MBNL2: variants seen among roughly 807,000 people sequenced by gnomAD.
The protein encoded by MBNL2 is muscleblind-like protein 2.
Under a neutral mutation model 41.9 loss-of-function variants are expected in MBNL2, and 17 were observed. The ratio of observed to expected loss-of-function variants is 0.41; its 90% CI spans 0.28 to 0.61. MBNL2 has a LOEUF of 0.61. Among genes scored for constraint, MBNL2 ranks in the 20% least tolerant of loss-of-function variants. The pLI is 0.35. For synonymous variants in MBNL2, 195 were observed against 182.9 expected (o/e 1.07, Z -0.53); for missense variants, 336 against 505.6 (o/e 0.66, Z 3.22).
At chr13:97,297,086 G>A (rs551474932) in intron 2 of MBNL2, among the ~76,000 whole-genome samples, 1 of 152,302 alleles carries the variant, frequency 6.6e-6, no homozygotes, top group African/African-American at 2.4e-5. Context: ...GGTCAAAGTT[G>A]CTTTTCCACT....
At chr13:97,161,480 G>C in the MBNL2 span, among the ~76,000 whole-genome samples, 2 of 152,182 alleles carry the variant, frequency 1.3e-5, no homozygotes, top group Non-Finnish European at 2.9e-5. Context: ...TTTTACTGTA[G>C]TGTGAAAGTC....
At chr13:97,142,874 G>T in the MBNL2 span, among the ~76,000 whole-genome samples, 14 of 151,934 alleles carry the variant, frequency 9.2e-5, no homozygotes, top group Non-Finnish European at 1.5e-4. Flanking sequence ...TTTTTAGTTT[G>T]CCTTGAGAAA....
intron 1 of MBNL2, among the ~76,000 whole-genome samples, chr13:97,238,550 C>G (rs564439199): frequency 6.6e-6 from 1 of 152,092 alleles, no homozygotes; most frequent in South Asian, 2.1e-4. Context: ...AGATGAAGAC[C>G]GGGCCCAGTC....
chr13:97,229,189 A>G (rs1026606218), intron 1 of MBNL2, among the ~76,000 whole-genome samples: 2 of 150,370 alleles, frequency 1.3e-5, no homozygotes, highest in Non-Finnish European at 2.9e-5. Flanking sequence ...GATGCAATAT[A>G]TATTGTCTAA....
intron 1 of MBNL2, among the ~76,000 whole-genome samples, chr13:97,224,861 G>T (rs1194831787): frequency 6.6e-6 from 1 of 152,188 alleles, no homozygotes; most frequent in Non-Finnish European, 1.5e-5. Context: ...AAGCGTTGTT[G>T]TTTGCATTTT....
intron 1 of MBNL2, 123 bp from the exon 2 acceptor site, chr13:97,275,509 A>G (rs1260748281): frequency 7.9e-5 from 12 of 152,144 alleles, no homozygotes; most frequent in Admixed American, 7.9e-4. Flanking sequence ...TTTTCTCACT[A>G]TACTCAAAGC....
At chr13:97,287,852 C>A (rs2054874794) in intron 2 of MBNL2, among the ~76,000 whole-genome samples, 1 of 149,150 alleles carries the variant, frequency 6.7e-6, no homozygotes, top group Non-Finnish European at 1.5e-5. Flanking sequence ...TCAAGCGATT[C>A]TCCTGCCTCA....
At chr13:97,283,653 A>G (rs573553437) in intron 2 of MBNL2, among the ~76,000 whole-genome samples, 4 of 152,338 alleles carry the variant, frequency 2.6e-5, no homozygotes, top group South Asian at 4.1e-4. Flanking sequence ...AAAATTATCT[A>G]TACATTGCAA....
the MBNL2 span, among the ~76,000 whole-genome samples, chr13:97,166,699 C>T: frequency 6.6e-6 from 1 of 152,088 alleles, no homozygotes; most frequent in Non-Finnish European, 1.5e-5. Flanking sequence ...GGGACTCAGA[C>T]TGGCTCTCCT....
At chr13:97,322,936 G>A (rs930168638) in intron 2 of MBNL2, among the ~76,000 whole-genome samples, 10 of 152,204 alleles carry the variant, frequency 6.6e-5, no homozygotes, top group African/African-American at 2.4e-4. Flanking sequence ...CCCCTGCTGT[G>A]TGGGCTTAAC....
intron 2 of MBNL2, among the ~76,000 whole-genome samples, chr13:97,323,984 G>C (rs2059710691): frequency 6.6e-6 from 1 of 151,938 alleles, no homozygotes; most frequent in South Asian, 2.1e-4. Context: ...GTTGACTATA[G>C]TCACCCTATT....
the MBNL2 span, among the ~76,000 whole-genome samples, chr13:97,216,286 C>T: frequency 6.6e-6 from 1 of 152,000 alleles, no homozygotes; most frequent in Non-Finnish European, 1.5e-5. Context: ...AATCAATCAA[C>T]CAAAATGAAT....
chr13:97,384,906 C>T (rs1030217614), intron 8 of MBNL2, among the ~76,000 whole-genome samples: 1 of 152,042 alleles, frequency 6.6e-6, no homozygotes, highest in Non-Finnish European at 1.5e-5. Context: ...GATTCTGCCC[C>T]CAGCCTGGAA....
the MBNL2 span, among the ~76,000 whole-genome samples, chr13:97,144,423 C>CTTTTT: frequency 0.018 from 2,068 of 117,632 alleles, 187 homozygotes; most frequent in African/African-American, 0.067. Context: ...CATGATACTT[C>CTTTTT]TTTTTTTTTT....
Position 97,276,255 on chromosome 13 carries a change from C to A in MBNL2, c.20C>A (p.Pro7Gln). The change falls in exon 2 of 9, where the codon CCA becomes CAA. Residue 7 changes from proline to glutamine, a missense_variant. Coordinates refer to ENST00000679496, the MANE Select transcript of MBNL2 (RefSeq NM_001382683.1). MALNVAPVRDTKWLTLE... is the reference protein window; with the variant it reads MALNVAQVRDTKWLTLE... ...ATCACCATGGCTTTGAACGTTGCCC[C>A]AGTCAGAGATACAAAATGGCTGACA... 1.2e-6 allele frequency: 2 copies of A among 1,613,708 alleles called. No homozygotes were observed. Among genetic ancestry groups the A allele is most frequent in the Non-Finnish European group, 1.7e-6 (2 of 1,179,716 alleles).
the MBNL2 span, among the ~76,000 whole-genome samples, chr13:97,175,372 T>A: frequency 6.6e-6 from 1 of 152,136 alleles, no homozygotes; most frequent in South Asian, 2.1e-4. Flanking sequence ...AGTCTTCTTC[T>A]CAGAGGATTT....
the MBNL2 span, among the ~76,000 whole-genome samples, chr13:97,205,890 A>G: frequency 6.6e-6 from 1 of 152,242 alleles, no homozygotes; most frequent in Non-Finnish European, 1.5e-5. Context: ...ACAAAAGACA[A>G]CACAAAGAAG....
At chr13:97,145,164 A>G in the MBNL2 span, among the ~76,000 whole-genome samples, 13 of 152,150 alleles carry the variant, frequency 8.5e-5, no homozygotes, top group African/African-American at 3.1e-4. Context: ...TCCCTGAACA[A>G]CTCCAATGAG....
chr13:97,194,716 A>T, the MBNL2 span, among the ~76,000 whole-genome samples: 1 of 152,218 alleles, frequency 6.6e-6, no homozygotes, highest in Non-Finnish European at 1.5e-5. Flanking sequence ...CAAACTCAAG[A>T]TGGTGACAAA....
Sources: allele counts gnomAD v4.1 joint callset (sites outside exome capture counted in the v4.1 genomes callset), GRCh38; gene constraint gnomAD v4.1.1; transcripts MANE v1.5; gene names NCBI Gene and HGNC (gene_info 2026-07-23, HGNC 2026-07-21).